The following MYO1E variants were observed in gnomAD, a reference collection of about 807,000 sequenced individuals.
MYO1E encodes the protein unconventional myosin-Ie.
In MYO1E, 68 loss-of-function variants were observed where a neutral mutation model predicts 151.1. That is an observed-to-expected ratio of 0.45 (90% CI 0.37 to 0.55). The LOEUF is 0.55. Among genes scored for constraint, MYO1E ranks in the 20% least tolerant of loss-of-function variants. MYO1E has a pLI of 0.00. For missense variants in MYO1E, 1,363 were observed against 1,389.3 expected (o/e 0.98, Z 0.30); for synonymous variants, 601 against 501.7 (o/e 1.20, Z -2.64).
chr15:59,308,838 C>CAA (rs35012634), intron 1 of MYO1E, among the ~76,000 whole-genome samples: 92,985 of 144,858 alleles, frequency 0.64, 30,571 homozygotes, highest in East Asian at 0.85. Flanking sequence ...AACTCCATCT[C>CAA]AAAAAAAAAA....
chr15:59,218,320 A>C (rs1017245904), intron 9 of MYO1E: 1 of 650,088 alleles, frequency 1.5e-6, no homozygotes, highest in Non-Finnish European at 2.8e-6. Flanking sequence ...TCCTATGATG[A>C]CTGAGACTTC....
intron 4 of MYO1E, among the ~76,000 whole-genome samples, chr15:59,245,641 C>G (rs2080125295): frequency 6.6e-6 from 1 of 152,180 alleles, no homozygotes; most frequent in African/African-American, 2.4e-5. Context: ...AGAAACAGCA[C>G]CAAATGGGAT....
intron 6 of MYO1E, among the ~76,000 whole-genome samples, 166 bp downstream of exon 6, chr15:59,231,536 A>G (rs2080027979): frequency 2.0e-5 from 3 of 152,180 alleles, no homozygotes; most frequent in African/African-American, 7.2e-5. Flanking sequence ...AAAAAGGCAA[A>G]CTGCAGCTTG....
At chr15:59,184,784 CT>C (rs2079685884) in intron 18 of MYO1E, among the ~76,000 whole-genome samples, 1 of 152,144 alleles carries the variant, frequency 6.6e-6, no homozygotes, top group East Asian at 1.9e-4. Flanking sequence ...TCCTGATTTC[CT>C]TTCTTTTGGC....
Position 59,214,673 on chromosome 15 carries a change from G to A in MYO1E, c.1155C>T (p.Gly385=), listed in dbSNP as rs536266133. ...TTTCAAAGCCATAGATGTCTAGGAC[G>A]CCAATGTTGTATTCTTCATGGTCTT... ...MEKDHEEYNI[G]VLDIYGFEIF... The change falls in exon 11 of 28, where the codon GGC becomes GGT. Residue 385 remains glycine (G), a synonymous_variant. Transcript: ENST00000288235. 1.3e-5 allele frequency: 21 copies of A among 1,613,720 alleles called. 1 individual carries two copies. The Middle Eastern group carries it at 2.3e-3, about 177-fold the overall frequency.
chr15:59,138,165 G>A, intron 27 of MYO1E, 33 bp downstream of exon 27: 1 of 1,609,446 alleles, frequency 6.2e-7, no homozygotes, highest in Non-Finnish European at 8.5e-7. Context: ...TGCTCTTTGG[G>A]AGGCTGTCCC....
chr15:59,356,856 C>T (rs1365244164), intron 1 of MYO1E, among the ~76,000 whole-genome samples: 1 of 151,464 alleles, frequency 6.6e-6, no homozygotes, highest in Non-Finnish European at 1.5e-5. Context: ...GGCGTTGCAC[C>T]ACTGTGCCCT....
At chr15:59,372,434 C>T (rs2080952717) in intron 1 of MYO1E, 64 bp downstream of exon 1, 4 of 1,534,726 alleles carry the variant, frequency 2.6e-6, no homozygotes, top group Non-Finnish European at 2.6e-6. Context: ...GTGGGTGCAC[C>T]ACGCCGGGGT....
chr15:59,210,588 G>T lies in MYO1E; in HGVS notation c.1288C>A (p.Gln430Lys). The T allele has an allele frequency of 1.3e-6, 2 of 1,597,788 alleles. No individual in the cohort carries two copies. Among genetic ancestry groups the T allele is most frequent in the Non-Finnish European group, 8.6e-7 (1 of 1,165,142 alleles). Residue 430 changes from glutamine to lysine, a missense_variant, in exon 13 of 28, where the codon CAA becomes AAA. Gln to Lys is a moderately conservative substitution (Grantham distance 53). Coordinates refer to ENST00000288235, the MANE Select transcript of MYO1E (RefSeq NM_004998.4). Reference protein sequence around the residue: ...TLKAEQEEYVQEGIRWTPIEY... With the variant: ...TLKAEQEEYVKEGIRWTPIEY... Reference sequence around the variant, plus strand: ...ATGGGTGTCCATCTTATTCCCTCTTGAACATATTCTTCCTGTAACACAGAG... The same window carrying T: ...ATGGGTGTCCATCTTATTCCCTCTTTAACATATTCTTCCTGTAACACAGAG...
chr15:59,205,449 G>A lies in MYO1E; in HGVS notation c.1567C>T (p.Arg523Trp), dbSNP rs781347673. Reference sequence around the variant, plus strand: ...ATGAGATCCATAAAAAGCACATCCCGGTTCCTTTCACAAAAGCCATCCATG... The same window carrying A: ...ATGAGATCCATAAAAAGCACATCCCAGTTCCTTTCACAAAAGCCATCCATG... ...YDMDGFCERN[R>W]DVLFMDLIEL... Residue 523 changes from arginine to tryptophan, a missense_variant, in exon 15 of 28, where the codon CGG (arginine) becomes TGG (tryptophan). Arg to Trp is a moderately radical substitution (Grantham distance 101, BLOSUM62 -3). Transcript: ENST00000288235. The A allele has an allele frequency of 2.5e-6, 4 of 1,614,050 alleles. No homozygotes were observed. The highest frequency in any genetic ancestry group is 3.4e-6 in the Non-Finnish European group (4 of 1,180,020).
In MYO1E at chr15:59,132,672, G is replaced by C. The variant is rs1336910830; in HGVS notation, c.*4708C>G. The C allele has an allele frequency of 3.3e-5, 5 of 152,202 alleles. No individual in the cohort carries two copies. The highest frequency in any genetic ancestry group is 9.7e-5 in the African/African-American group (4 of 41,450). 9.4% of individuals were successfully genotyped at this position (152,202 alleles called of 1,614,324 possible). ...GTATAGAAGAGCACTAACTCTGAAC[G>C]TGGGTGCTTTGGGTTTGATTTTAAG... is the stretch of plus-strand genomic sequence containing the variant. On this transcript the variant is annotated 3_prime_UTR_variant, in exon 28 of 28. Coordinates refer to ENST00000288235, the MANE Select transcript of MYO1E (RefSeq NM_004998.4).
intron 25 of MYO1E, among the ~76,000 whole-genome samples, chr15:59,154,195 GA>G (rs1396429042): frequency 6.6e-6 from 1 of 152,148 alleles, no homozygotes; most frequent in African/African-American, 2.4e-5. Context: ...TTGGGCCTAA[GA>G]AAAATTATGA....
chr15:59,344,645 G>C (rs2080783901), intron 1 of MYO1E, among the ~76,000 whole-genome samples: 1 of 152,180 alleles, frequency 6.6e-6, no homozygotes, highest in South Asian at 2.1e-4. Context: ...CCAGGGTCTG[G>C]AGTCAGAAAT....
At position 59,372,783 on chromosome 15, in the gene MYO1E, A is replaced by C. The variant is rs1340924401; in HGVS notation, c.-283T>G. 5.7e-6 allele frequency: 3 copies of C among 522,034 alleles called. No homozygotes were observed. Among genetic ancestry groups the C allele is most frequent in the Non-Finnish European group, 1.0e-5 (3 of 296,148 alleles). The allele number at this position is 522,034 out of a possible 1,614,324, so 32.3% of individuals were successfully genotyped here. ...TCGCCGGTCGCCGCCGGCCCAGGTG[A>C]GTCCGATGCGCTCGGAGCGTCCGCC... On this transcript the variant is annotated 5_prime_UTR_variant, in exon 1 of 28. Coordinates refer to ENST00000288235, the MANE Select transcript of MYO1E (RefSeq NM_004998.4).
In MYO1E at chr15:59,132,626, AAATGAGATGATGTATCCATAGTAT is replaced by A. The variant is rs2079351756; in HGVS notation, c.*4730_*4753del. On this transcript the variant is annotated 3_prime_UTR_variant, in exon 28 of 28. Transcript: ENST00000288235. Reference sequence around the variant, plus strand: ...CATATCATAAAAACACGGAAATTAAAAATGAGATGATGTATCCATAGTATAGAAGAGCACTAACTCTGAACGTGG... The same window carrying A: ...CATATCATAAAAACACGGAAATTAAAAGAAGAGCACTAACTCTGAACGTGG... 6.6e-6 allele frequency: 1 copy of A among 152,204 alleles called. No individual in the cohort carries two copies. The highest frequency in any genetic ancestry group is 1.5e-5 in the Non-Finnish European group (1 of 68,044). 9.4% of individuals were successfully genotyped at this position (152,204 alleles called of 1,614,324 possible).
chr15:59,156,390 G>A (rs559245596), intron 25 of MYO1E, among the ~76,000 whole-genome samples: 2 of 152,236 alleles, frequency 1.3e-5, no homozygotes, highest in African/African-American at 4.8e-5. Flanking sequence ...TTGTCATGTT[G>A]GCTAGGCTGG....
At chr15:59,334,769 A>T (rs1338383996) in intron 1 of MYO1E, among the ~76,000 whole-genome samples, 1 of 152,220 alleles carries the variant, frequency 6.6e-6, no homozygotes, top group Admixed American at 6.5e-5. Flanking sequence ...CTTTGGGTTC[A>T]GCCTGGCAGG....
intron 1 of MYO1E, among the ~76,000 whole-genome samples, chr15:59,346,174 T>A (rs1207838050): frequency 6.6e-5 from 10 of 152,172 alleles, no homozygotes; most frequent in African/African-American, 2.4e-4. Context: ...TTCTTCCACT[T>A]GTGCTTTCTT....
chr15:59,172,275 T>G (rs1210722482), intron 21 of MYO1E, among the ~76,000 whole-genome samples: 2 of 152,146 alleles, frequency 1.3e-5, no homozygotes, highest in African/African-American at 4.8e-5. Flanking sequence ...GAGAATCGCT[T>G]TAACCTGGGA....
Sources: gnomAD v4.1 joint callset for allele counts (sites outside exome capture counted in the v4.1 genomes callset) on GRCh38, gnomAD v4.1.1 for gene constraint, MANE v1.5 for transcripts, NCBI Gene and HGNC (gene_info 2026-07-23, HGNC 2026-07-21) for gene names.